CAPN13: variants seen among roughly 807,000 people sequenced by gnomAD.
CAPN13 encodes calpain-13.
A neutral mutation model predicts 98.4 loss-of-function variants in CAPN13; 90 were observed. The observed-to-expected ratio is 0.92, with a 90% CI of 0.77 to 1.09. CAPN13 has a LOEUF of 1.09. Ranked by LOEUF, CAPN13 falls within the 50% of genes least tolerant of loss-of-function variation. CAPN13 has a pLI of 0.00. For missense variants in CAPN13, 887 were observed against 841.3 expected (o/e 1.05, Z -0.67); for synonymous variants, 330 against 305.5 (o/e 1.08, Z -0.84).
Position 30,777,616 on chromosome 2 carries a change from G to T in CAPN13, c.222C>A (p.His74Gln), listed in dbSNP as rs773161614. 3 of 1,579,092 alleles carry T rather than the reference G, an allele frequency of 1.9e-6. No homozygotes were observed. Among genetic ancestry groups the T allele is most frequent in the Non-Finnish European group, 2.6e-6 (3 of 1,160,792 alleles). ...ATCTGCTTATATCATCCAGGATGAA[G>T]TGAGGAGGACCCCCTGGTAGATCCT... The part of the protein sequence containing the change: ...RPQDLPGGPP[H>Q]FILDDISRFD... Residue 74 changes from histidine (H) to glutamine (Q), a missense_variant, in exon 3 of 23, where the codon CAC becomes CAA. Physicochemically the swap from His to Gln is conservative, Grantham distance 24. Coordinates refer to ENST00000295055, the MANE Select transcript of CAPN13 (RefSeq NM_144575.3).
chr2:30,757,627 C>A (rs1168812150), intron 8 of CAPN13, among the ~76,000 whole-genome samples: 1 of 152,206 alleles, frequency 6.6e-6, no homozygotes, highest in Admixed American at 6.5e-5. Context: ...GGATCAGAAT[C>A]CCATGGGTCC....
rs1299111569 is a variant in CAPN13 at position 30,764,227 on chromosome 2, T to C, written c.604A>G (p.Asn202Asp). The C allele has an allele frequency of 3.1e-6, 5 of 1,613,170 alleles. No homozygotes were observed. In the South Asian group the frequency reaches 5.5e-5, roughly 18 times the overall value. Residue 202 changes from asparagine (N) to aspartate (D), a missense_variant, in exon 6 of 23, where the codon AAC becomes GAC. Coordinates refer to ENST00000295055, the MANE Select transcript of CAPN13 (RefSeq NM_144575.3). Reference sequence around the variant, plus strand: ...ACAGGGGAAGAGTGCAGATGGATGTTGGTGATCACGCCTCCTGTGAGGTCC... The same window carrying C: ...ACAGGGGAAGAGTGCAGATGGATGTCGGTGATCACGCCTCCTGTGAGGTCC... The part of the protein sequence containing the change: ...LVDLTGGVIT[N>D]IHLHSSPVDL...
intron 1 of CAPN13, among the ~76,000 whole-genome samples, chr2:30,800,228 T>C (rs1223547371): frequency 6.7e-6 from 1 of 149,876 alleles, no homozygotes; most frequent in Admixed American, 6.6e-5. Flanking sequence ...GAGAAGTAAG[T>C]GCTCAGAATA....
chr2:30,782,306 G>A (rs985530237), intron 2 of CAPN13, among the ~76,000 whole-genome samples: 3 of 152,128 alleles, frequency 2.0e-5, no homozygotes, highest in Non-Finnish European at 4.4e-5. Flanking sequence ...CTTAGTATTC[G>A]GCCTTTTCAC....
intron 11 of CAPN13, among the ~76,000 whole-genome samples, chr2:30,748,072 C>G (rs1302303791): frequency 2.6e-5 from 4 of 152,226 alleles, no homozygotes. Context: ...AACAGAGCCT[C>G]AGAAGTTGCG....
chr2:30,784,421 G>A (rs1359126844), intron 2 of CAPN13, among the ~76,000 whole-genome samples: 2 of 152,124 alleles, frequency 1.3e-5, no homozygotes, highest in Non-Finnish European at 2.9e-5. Context: ...TTTACTTAGT[G>A]TTTAGACTGT....
intron 22 of CAPN13, among the ~76,000 whole-genome samples, chr2:30,727,496 T>G (rs1471669197): frequency 6.6e-6 from 1 of 152,102 alleles, no homozygotes; most frequent in African/African-American, 2.4e-5. Context: ...AGCTTAAAAA[T>G]GGACAAAGAA....
At chr2:30,741,722 G>A (rs369653921) in intron 15 of CAPN13, 186 bp downstream of exon 15, 10 of 1,440,564 alleles carry the variant, frequency 6.9e-6, no homozygotes, top group African/African-American at 2.9e-5. Flanking sequence ...TGGGTGGGGC[G>A]CCACGTCTCT....
intron 7 of CAPN13, among the ~76,000 whole-genome samples, chr2:30,759,018 C>T (rs1386927115): frequency 2.4e-5 from 3 of 122,754 alleles, no homozygotes; most frequent in Non-Finnish European, 5.1e-5. Flanking sequence ...TTCCCTGCTC[C>T]TATTCTTCCT....
chr2:30,730,706 G>A (rs1671039927), intron 22 of CAPN13, 24 bp downstream of exon 22: 1 of 780,074 alleles, frequency 1.3e-6, no homozygotes, highest in Admixed American at 1.7e-5. Flanking sequence ...AGGAGGGAAA[G>A]ACTCCAAAGC....
At chr2:30,763,255 A>T (rs1672937876) in intron 6 of CAPN13, 99 bp from the exon 7 acceptor site, 1 of 1,013,680 alleles carries the variant, frequency 9.9e-7, no homozygotes, top group Non-Finnish European at 1.5e-6. Context: ...TCTGGGCCTC[A>T]CTGACTCACT....
intron 1 of CAPN13, among the ~76,000 whole-genome samples, chr2:30,806,967 T>TATGGTGA (rs1264078852): frequency 1.3e-5 from 2 of 152,166 alleles, no homozygotes; most frequent in East Asian, 3.9e-4. Flanking sequence ...ATGTGTCCCT[T>TATGGTGA]ACGGTGAACA....
In CAPN13 at chr2:30,772,276, G is replaced by T. The variant is rs1673448597; in HGVS notation, c.388-1827C>A. 3.3e-5 allele frequency among the ~76,000 whole-genome samples: 5 copies of T among 152,284 alleles called. No individual in the cohort carries two copies. The South Asian group carries it at 1.0e-3, about 32-fold the overall frequency. Reference sequence around the variant, plus strand: ...CAAGAACAATGCTGGAGGCCATTTTGCCAACACCCAGTTGTCTGACAGGGA... The same window carrying T: ...CAAGAACAATGCTGGAGGCCATTTTTCCAACACCCAGTTGTCTGACAGGGA... On this transcript the variant is annotated intron_variant, in intron 4 of 22. Coordinates refer to ENST00000295055, the MANE Select transcript of CAPN13 (RefSeq NM_144575.3).
At chr2:30,746,551 G>C (rs1186616173) in intron 11 of CAPN13, 1 of 167,964 alleles carries the variant, frequency 6.0e-6, no homozygotes, top group African/African-American at 2.4e-5. Context: ...CCAAGGCCAT[G>C]GCTCTTGCAG....
chr2:30,788,100 A>C (rs1674412437), intron 1 of CAPN13, among the ~76,000 whole-genome samples: 1 of 152,172 alleles, frequency 6.6e-6, no homozygotes, highest in African/African-American at 2.4e-5. Context: ...GGGAGGAAAA[A>C]AAGAAAACGA....
chr2:30,802,546 G>C (rs531742515), intron 1 of CAPN13, among the ~76,000 whole-genome samples: 46 of 141,406 alleles, frequency 3.3e-4, no homozygotes, highest in East Asian at 9.9e-4. Context: ...GCAGGCTGGG[G>C]GGGGGGGGTG....
intron 5 of CAPN13, among the ~76,000 whole-genome samples, chr2:30,767,375 C>G (rs183639748): frequency 6.6e-6 from 1 of 152,146 alleles, no homozygotes; most frequent in Non-Finnish European, 1.5e-5. Context: ...CAGTAGAATG[C>G]GGATGCCAGG....
chr2:30,796,075 T>C (rs1019180786), intron 1 of CAPN13, among the ~76,000 whole-genome samples: 1 of 150,728 alleles, frequency 6.6e-6, no homozygotes, highest in Non-Finnish European at 1.5e-5. Flanking sequence ...TAATTTTCCC[T>C]CCCTTTTCCT....
chr2:30,780,689 G>T (rs916071105), intron 2 of CAPN13, among the ~76,000 whole-genome samples: 1 of 152,180 alleles, frequency 6.6e-6, no homozygotes, highest in Non-Finnish European at 1.5e-5. Flanking sequence ...TTCATCAAAG[G>T]TGGGCACAAA....
Sources: allele counts gnomAD v4.1 joint callset (sites outside exome capture counted in the v4.1 genomes callset), GRCh38; gene constraint gnomAD v4.1.1; transcripts MANE v1.5; gene names NCBI Gene and HGNC (gene_info 2026-07-23, HGNC 2026-07-21).